Variants in HEXD observed in about 807,000 individuals in gnomAD.
The protein encoded by HEXD is N-acetyl-beta-galactosaminidase.
HEXD carries 47 observed loss-of-function variants against 54.2 expected under a neutral mutation model. The observed-to-expected ratio is 0.87, with a 90% CI of 0.69 to 1.11. The LOEUF (loss-of-function observed/expected upper bound fraction) is 1.11. Ranked by LOEUF, HEXD falls within the 50% of genes least tolerant of loss-of-function variation. The pLI is 0.00. For synonymous variants in HEXD, 293 were observed against 287.6 expected, an observed-to-expected ratio of 1.02 and a Z score of -0.19; for missense variants, 576 against 649.2, an observed-to-expected ratio of 0.89 and a Z score of 1.23.
At chr17:82,435,646 T>C in intron 5 of HEXD, 43 bp from the exon 6 acceptor site, 2 of 1,576,716 alleles carry the variant, frequency 1.3e-6, no homozygotes, top group Non-Finnish European at 8.7e-7. Context: ...CCCACCGGTG[T>C]GCACGGCTGC....
intron 11 of HEXD, 33 bp downstream of exon 11, chr17:82,441,299 A>C (rs1270903089): frequency 1.6e-6 from 1 of 640,256 alleles, no homozygotes; most frequent in Non-Finnish European, 2.2e-6. Flanking sequence ...GGTGTGGGTG[A>C]GGGGGGCAGG....
At chr17:82,428,398 C>T (rs1306553079) in intron 3 of HEXD, among the ~76,000 whole-genome samples, 160 bp from the exon 4 acceptor site, 1 of 152,126 alleles carries the variant, frequency 6.6e-6, no homozygotes, top group Non-Finnish European at 1.5e-5. Context: ...GGAGCAGGTA[C>T]CTTTCCAGAA....
At position 82,431,052 on chromosome 17, in the gene HEXD, G is replaced by T. The variant is rs113245404; in HGVS notation, c.282+2407G>T. The stretch of plus-strand genomic sequence containing the variant: ...CTCACTCTGTCACCCAGGCTGGAGC[G>T]CGTGGTACAATCACAGCTCACTGCA... On this transcript the variant is annotated intron_variant, in intron 4 of 12. Coordinates refer to ENST00000327949, the MANE Select transcript of HEXD (RefSeq NM_001330542.2). 1.1e-4 allele frequency among the ~76,000 whole-genome samples: 17 copies of T among 152,176 alleles called. 1 individual carries two copies. The South Asian group carries it at 3.1e-3, about 28-fold the overall frequency.
In HEXD at chr17:82,435,701, G is replaced by A. The variant is rs377530132; in HGVS notation, c.460G>A (p.Gly154Arg). The change falls in exon 6 of 13, where the codon GGA (glycine) becomes AGA (arginine). Residue 154 changes from glycine to arginine, a missense_variant. By Grantham distance (125) the Gly-to-Arg change is moderately radical. Transcript: ENST00000327949. ...TCCTTCCTTGCAGGTCTATTACCTC[G>A]GAGAGGGGGAGGCCTCGCGCCGGTG... ...HIGCDEVYYL[G>R]EGEASRRWLQ... The A allele has an allele frequency of 1.4e-5, 23 of 1,612,038 alleles. No individual in the cohort carries two copies. Among genetic ancestry groups the A allele is most frequent in the South Asian group, 1.1e-4 (10 of 91,032 alleles).
At position 82,436,753 on chromosome 17, in the gene HEXD, G is replaced by T; in HGVS notation, c.703+15G>T. ...GCACGGCAAGGGTCAGTGCCAAGTTGTGGGGGGTGTGTTGTCCTGGCCATG... is the reference window on the plus strand; with the variant it reads ...GCACGGCAAGGGTCAGTGCCAAGTTTTGGGGGGTGTGTTGTCCTGGCCATG... On this transcript the variant is annotated intron_variant, in intron 7 of 12. Transcript: ENST00000327949. The T allele has an allele frequency of 6.2e-7, 1 of 1,607,912 alleles. No homozygotes were observed. The highest frequency in any genetic ancestry group is 2.2e-5 in the East Asian group (1 of 44,702).
intron 9 of HEXD, chr17:82,440,178 C>G (rs570817664): frequency 5.1e-5 from 66 of 1,289,606 alleles, no homozygotes; most frequent in Admixed American, 1.1e-4. Context: ...CCCTTGGGGT[C>G]GGCAGGGGGC....
In HEXD at chr17:82,418,515, A is replaced by G; in HGVS notation, c.-277A>G. 2.3e-6 allele frequency: 3 copies of G among 1,294,756 alleles called. No individual in the cohort carries two copies. The highest frequency in any genetic ancestry group is 1.6e-5 in the African/African-American group (1 of 63,974). 80.2% of individuals were successfully genotyped at this position (1,294,756 alleles called of 1,614,324 possible). A position where few individuals can be genotyped will look rare whatever the true frequency, so the allele number is the denominator to read the frequency against. Reference sequence around the variant, plus strand: ...CCAGGCCGCCGCGGAGCCGGGCCGGACGCGGGCGCCAGGCCCGGGGACGAA... The same window carrying G: ...CCAGGCCGCCGCGGAGCCGGGCCGGGCGCGGGCGCCAGGCCCGGGGACGAA... On this transcript the variant is annotated 5_prime_UTR_variant, in exon 1 of 13. Coordinates refer to ENST00000327949, the MANE Select transcript of HEXD (RefSeq NM_001330542.2).
chr17:82,424,788 C>A (rs559705153), intron 3 of HEXD, among the ~76,000 whole-genome samples: 132 of 152,368 alleles, frequency 8.7e-4, no homozygotes, highest in African/African-American at 3.1e-3. Flanking sequence ...CTCTGTCCTG[C>A]AGGCGTTTCT....
intron 7 of HEXD, 58 bp downstream of exon 7, chr17:82,436,796 C>A: frequency 6.7e-7 from 1 of 1,498,184 alleles, no homozygotes; most frequent in Non-Finnish European, 9.2e-7. Flanking sequence ...GAAGGCCATC[C>A]CTGGCCCTGT....
At chr17:82,437,890 A>T (rs908657203) in intron 8 of HEXD, among the ~76,000 whole-genome samples, 21 of 152,278 alleles carry the variant, frequency 1.4e-4, no homozygotes, top group African/African-American at 5.1e-4. Context: ...GGTCTTGTCT[A>T]CGTAAACACT....
intron 8 of HEXD, among the ~76,000 whole-genome samples, chr17:82,438,295 G>A (rs764435417): frequency 2.0e-5 from 3 of 152,184 alleles, no homozygotes; most frequent in Admixed American, 6.5e-5. Flanking sequence ...ACATTTCAGT[G>A]TGTAGCCTAT....
At chr17:82,432,889 C>T (rs1335267406) in intron 4 of HEXD, among the ~76,000 whole-genome samples, 13 of 149,006 alleles carry the variant, frequency 8.7e-5, no homozygotes, top group East Asian at 2.0e-4. Flanking sequence ...CGGTGAAACC[C>T]CGTCTCTACT....
chr17:82,441,407 G>A, intron 11 of HEXD, 141 bp downstream of exon 11: 10 of 961,094 alleles, frequency 1.0e-5, no homozygotes, highest in African/African-American at 1.7e-5. Context: ...GCAGGTGCGG[G>A]TGAGGGGCAG....
intron 3 of HEXD, chr17:82,425,565 A>G (rs1035253198): frequency 3.3e-5 from 5 of 152,688 alleles, no homozygotes; most frequent in African/African-American, 7.2e-5. Context: ...GCTTAATGCT[A>G]AAATCACAGG....
chr17:82,435,274 C>T (rs2053726932), intron 5 of HEXD, among the ~76,000 whole-genome samples: 1 of 152,252 alleles, frequency 6.6e-6, no homozygotes, highest in Admixed American at 6.5e-5. Context: ...CTTCCTATCT[C>T]GGTGGATTTG....
chr17:82,421,597 G>A (rs751396257), intron 2 of HEXD, among the ~76,000 whole-genome samples: 32 of 151,278 alleles, frequency 2.1e-4, no homozygotes, highest in Non-Finnish European at 3.2e-4. Flanking sequence ...AGGCCAAGAC[G>A]GACAGATCAC....
intron 7 of HEXD, 166 bp downstream of exon 7, chr17:82,436,904 C>G: frequency 1.5e-6 from 1 of 660,444 alleles, no homozygotes; most frequent in Non-Finnish European, 2.6e-6. Context: ...GGGACGGCCA[C>G]CGTGCACCGG....
rs936838576 is a variant in HEXD, at chr17:82,418,497, G to C, written c.-295G>C. On this transcript the variant is annotated 5_prime_UTR_variant, in exon 1 of 13. Transcript: ENST00000327949. ...CGCTGAGGAGCCATCGGACCAGGCC[G>C]CCGCGGAGCCGGGCCGGACGCGGGC... is the stretch of plus-strand genomic sequence containing the variant. 16 of 1,370,110 alleles carry C rather than the reference G, an allele frequency of 1.2e-5. 1 individual carries two copies. The Admixed American group carries it at 5.4e-4, about 46-fold the overall frequency. 84.9% of individuals were successfully genotyped at this position (1,370,110 alleles called of 1,614,324 possible). A position where few individuals can be genotyped will look rare whatever the true frequency, so the allele number is the denominator to read the frequency against.
rs1436506114 is a variant in HEXD at position 82,434,088 on chromosome 17, G to A, written c.447+266G>A. 7.2e-5 allele frequency among the ~76,000 whole-genome samples: 11 copies of A among 152,028 alleles called. No homozygotes were observed. Among genetic ancestry groups the A allele is most frequent in the East Asian group, 1.9e-4 (1 of 5,172 alleles). On this transcript the variant is annotated intron_variant, in intron 5 of 12. Coordinates refer to ENST00000327949, the MANE Select transcript of HEXD (RefSeq NM_001330542.2). This position sits in a 1 kb window ranked among gnomAD's most constrained non-coding sequence, Gnocchi z 4.5. ...TGGCACGGGACAGCCTGCAGAGCCC[G>A]AGGGAGGCACCCTCGTGTCAGACGA... is the stretch of plus-strand genomic sequence containing the variant.
Sources: gnomAD v4.1 joint callset for allele counts (sites outside exome capture counted in the v4.1 genomes callset) on GRCh38, gnomAD v4.1.1 for gene constraint, Gnocchi (gnomAD v3.1) non-coding constraint, MANE v1.5 for transcripts, NCBI Gene and HGNC (gene_info 2026-07-23, HGNC 2026-07-21) for gene names.